The following PARG variants were observed in gnomAD, a reference collection of about 807,000 sequenced individuals.
PARG encodes the protein poly(ADP-ribose) glycohydrolase, also known as mitochondrial poly(ADP-ribose) glycohydrolase.
Under a neutral mutation model 113.0 loss-of-function variants are expected in PARG, and 35 were observed. That is an observed-to-expected ratio of 0.31 (90% CI 0.24 to 0.41). The LOEUF is 0.41. Ranked by LOEUF, PARG falls within the 10% of genes least tolerant of loss-of-function variation. The pLI, the probability that PARG is intolerant of heterozygous loss-of-function variation, is 1.00. For missense variants in PARG, 797 were observed against 1,169.4 expected (o/e 0.68, Z 4.64); for synonymous variants, 330 against 409.9 (o/e 0.81, Z 2.36).
At chr10:49,823,758 GA>G (rs1385816217) in intron 16 of PARG, among the ~76,000 whole-genome samples, 1 of 151,862 alleles carries the variant, frequency 6.6e-6, no homozygotes, top group African/African-American at 2.4e-5. Flanking sequence ...ACCCAAAGAA[GA>G]GTCCTTTTCA....
chr10:49,926,039 A>AT (rs1162598055), intron 4 of PARG, among the ~76,000 whole-genome samples: 72 of 152,292 alleles, frequency 4.7e-4, no homozygotes, highest in African/African-American at 1.7e-3. Context: ...TAAACATTTG[A>AT]TTTTTTTAGA....
At chr10:49,846,562 G>A (rs1380108276) in intron 13 of PARG, among the ~76,000 whole-genome samples, 2 of 152,112 alleles carry the variant, frequency 1.3e-5, no homozygotes, top group African/African-American at 4.8e-5. Flanking sequence ...GCATGGTTTA[G>A]AAGTTCTGAA....
At chr10:49,869,374 A>G (rs1279933524) in intron 10 of PARG, 102 bp downstream of exon 10, 17 of 670,772 alleles carry the variant, frequency 2.5e-5, no homozygotes, top group Non-Finnish European at 4.4e-5. Context: ...TGTGGTTGGG[A>G]CAGGAAGGTT....
intron 7 of PARG, 48 bp downstream of exon 7, chr10:49,915,869 T>A: frequency 1.0e-6 from 1 of 960,294 alleles, no homozygotes; most frequent in South Asian, 1.4e-5. Flanking sequence ...CAAACCTTCT[T>A]ATTGAGTTGT....
intron 4 of PARG, among the ~76,000 whole-genome samples, chr10:49,928,340 C>T (rs370550364): frequency 7.3e-5 from 11 of 151,672 alleles, no homozygotes; most frequent in Non-Finnish European, 1.2e-4. Context: ...CTCATAAGAA[C>T]GTCCCAAAGG....
intron 1 of PARG, among the ~76,000 whole-genome samples, chr10:49,935,901 A>C (rs1589014405): frequency 1.3e-5 from 2 of 152,240 alleles, no homozygotes; most frequent in African/African-American, 4.8e-5. Flanking sequence ...AAATGTGTTG[A>C]AAGACATGAT....
At chr10:49,932,606 T>C (rs1394221307) in intron 3 of PARG, among the ~76,000 whole-genome samples, 13 of 152,114 alleles carry the variant, frequency 8.5e-5, no homozygotes, top group Non-Finnish European at 1.6e-4. Context: ...GATTGCACTA[T>C]CTCAGGAAAC....
chr10:49,911,045 G>A (rs185435120), intron 7 of PARG, among the ~76,000 whole-genome samples: 173 of 152,308 alleles, frequency 1.1e-3, no homozygotes, highest in Non-Finnish European at 1.8e-3. Context: ...CACTTTGGGA[G>A]GCCAAGGTGG....
At chr10:49,884,631 T>G (rs1847373979) in intron 8 of PARG, among the ~76,000 whole-genome samples, 2 of 150,966 alleles carry the variant, frequency 1.3e-5, no homozygotes, top group African/African-American at 4.9e-5. Context: ...CTTGGGTGGC[T>G]GAGGCAGGAG....
intron 15 of PARG, among the ~76,000 whole-genome samples, chr10:49,840,390 CAA>C (rs1164773978): frequency 4.2e-5 from 4 of 94,354 alleles, no homozygotes; most frequent in Admixed American, 1.2e-4. Flanking sequence ...GACCCTGCTT[CAA>C]AAAAAAAAAA....
intron 7 of PARG, among the ~76,000 whole-genome samples, chr10:49,889,114 G>T (rs1847643285): frequency 1.5e-5 from 2 of 134,932 alleles, no homozygotes; most frequent in Non-Finnish European, 1.6e-5. Flanking sequence ...TTTCAAGTAT[G>T]TTTATAATTG....
intron 16 of PARG, among the ~76,000 whole-genome samples, chr10:49,827,680 A>G (rs1211491294): frequency 6.6e-6 from 1 of 152,208 alleles, no homozygotes; most frequent in African/African-American, 2.4e-5. Flanking sequence ...GCACAACAGA[A>G]GAAGGAACAT....
chr10:49,820,370 T>C, intron 16 of PARG, 77 bp from the exon 17 acceptor site: 1 of 937,880 alleles, frequency 1.1e-6, no homozygotes, highest in Non-Finnish European at 1.6e-6. Flanking sequence ...CCAGCTGGTG[T>C]GCCACAGCTT....
rs1384519420 is a variant in PARG at position 49,933,630 on chromosome 10, G to A, written c.818C>T (p.Thr273Ile). ...CAATTTGTTGTCATTTTTTGGCCCA[G>A]TACCAACATCCTCAGAGCCAACATC... Reference protein sequence around the residue: ...LSDVGSEDVGTGPKNDNKLTR... With the variant: ...LSDVGSEDVGIGPKNDNKLTR... Residue 273 changes from threonine (T) to isoleucine (I), a missense_variant, in exon 3 of 18, where the codon ACT becomes ATT. Physicochemically the swap from Thr to Ile is moderately conservative, Grantham distance 89. This residue lies in a region of PARG where 284 missense variants were observed against 306.1 expected (regional missense o/e 0.93). Coordinates refer to ENST00000616448, the MANE Select transcript of PARG (RefSeq NM_003631.5). The A allele has an allele frequency of 1.3e-5, 21 of 1,609,858 alleles. No individual in the cohort carries two copies. The African/African-American group carries it at 2.0e-4, about 15-fold the overall frequency.
At position 49,910,322 on chromosome 10, in the gene PARG, A is replaced by C. The variant is rs1423686978; in HGVS notation, c.1737+5595T>G. ...TGCAATAATCTATTTTGTATGTATG[A>C]TTTGAAGTAAAGACTTTATGCTATA... On this transcript the variant is annotated intron_variant, in intron 7 of 17. Coordinates refer to ENST00000616448, the MANE Select transcript of PARG (RefSeq NM_003631.5). Among the ~76,000 whole-genome samples the C allele has an allele frequency of 2.0e-5, 3 of 152,236 alleles. No individual in the cohort carries two copies. The South Asian group carries it at 6.2e-4, about 32-fold the overall frequency.
chr10:49,908,287 C>T (rs782329865), intron 7 of PARG, among the ~76,000 whole-genome samples: 1 of 152,164 alleles, frequency 6.6e-6, no homozygotes, highest in African/African-American at 2.4e-5. Flanking sequence ...CAACATATGT[C>T]CCAATTCAAA....
At chr10:49,822,164 T>C (rs898338921) in intron 16 of PARG, among the ~76,000 whole-genome samples, 27 of 152,136 alleles carry the variant, frequency 1.8e-4, no homozygotes, top group Non-Finnish European at 4.4e-5. Flanking sequence ...AAGAACTGTG[T>C]GAGGATGGAC....
intron 12 of PARG, among the ~76,000 whole-genome samples, chr10:49,860,567 CAT>C (rs1297046533): frequency 1.3e-5 from 2 of 148,824 alleles, no homozygotes; most frequent in Non-Finnish European, 3.0e-5. Context: ...TAGAATAAAA[CAT>C]AGTTTGTCTC....
At chr10:49,886,174 A>G (rs1437781116) in intron 7 of PARG, among the ~76,000 whole-genome samples, 1 of 152,230 alleles carries the variant, frequency 6.6e-6, no homozygotes, top group Non-Finnish European at 1.5e-5. Flanking sequence ...TCCTACATTG[A>G]GGTCAATTAA....
Sources: gnomAD v4.1 joint callset for allele counts (sites outside exome capture counted in the v4.1 genomes callset) on GRCh38, gnomAD v4.1.1 for gene constraint, gnomAD v4.1.1 regional missense constraint, MANE v1.5 for transcripts, NCBI Gene and HGNC (gene_info 2026-07-23, HGNC 2026-07-21) for gene names.